MRAS: variants seen among roughly 807,000 people sequenced by gnomAD.
MRAS encodes the protein ras-related protein M-Ras.
A neutral mutation model predicts 20.9 loss-of-function variants in MRAS; 4 were observed. The observed-to-expected ratio is 0.19, with a 90% CI of 0.09 to 0.44. MRAS has a LOEUF of 0.44. Among genes scored for constraint, MRAS ranks in the 20% least tolerant of loss-of-function variants. The probability of loss-of-function intolerance (pLI) is 0.99; values close to 1 mark genes in which losing one functional copy is unlikely to be tolerated. For missense variants in MRAS, 154 were observed against 277.5 expected (o/e 0.56, Z 3.16); for synonymous variants, 98 against 102.9 (o/e 0.95, Z 0.29).
chr3:138,366,705 A>G (rs1025194841), intron 1 of MRAS, among the ~76,000 whole-genome samples: 1 of 152,236 alleles, frequency 6.6e-6, no homozygotes, highest in African/African-American at 2.4e-5. Context: ...GCAGTGTGGC[A>G]TGACAGTTCT....
At chr3:138,400,270 A>G (rs745317625) in intron 4 of MRAS, 71 of 392,348 alleles carry the variant, frequency 1.8e-4, no homozygotes, top group Non-Finnish European at 2.9e-4. Context: ...GTATATAAAA[A>G]GATCACTTTA....
At chr3:138,387,952 C>T (rs1044557657) in intron 2 of MRAS, among the ~76,000 whole-genome samples, 20 of 152,122 alleles carry the variant, frequency 1.3e-4, no homozygotes, top group African/African-American at 4.6e-4. Flanking sequence ...AGCTGATGGC[C>T]GGCACTTCTC....
chr3:138,394,620 C>T (rs2055197438), intron 2 of MRAS, among the ~76,000 whole-genome samples: 1 of 152,188 alleles, frequency 6.6e-6, no homozygotes, highest in Admixed American at 6.5e-5. Context: ...TCCCCCAATA[C>T]CTACTGGAAG....
intron 1 of MRAS, among the ~76,000 whole-genome samples, chr3:138,371,907 C>T (rs995439718): frequency 1.3e-5 from 2 of 152,146 alleles, no homozygotes; most frequent in East Asian, 3.9e-4. Context: ...GCCTCTCCTC[C>T]TTGTCACTTT....
intron 1 of MRAS, among the ~76,000 whole-genome samples, chr3:138,364,746 G>A (rs2054526180): frequency 6.6e-6 from 1 of 152,244 alleles, no homozygotes; most frequent in Non-Finnish European, 1.5e-5. Context: ...CTATGCCCTG[G>A]TCAGCAAGCT....
At chr3:138,394,130 GAAGGTGCAGTCTTCC>G (rs2055186723) in intron 2 of MRAS, among the ~76,000 whole-genome samples, 1 of 150,280 alleles carries the variant, frequency 6.7e-6, no homozygotes, top group Non-Finnish European at 1.5e-5. Flanking sequence ...CCCTCCAGTT[GAAGGTGCAGTCTTCC>G]TGCTCCCTCC....
intron 2 of MRAS, among the ~76,000 whole-genome samples, chr3:138,393,721 C>T (rs1310609871): frequency 6.6e-6 from 1 of 151,806 alleles, no homozygotes. Context: ...CAGAGCTTCG[C>T]TCTTGTTGCC....
Position 138,368,225 on chromosome 3 carries a change from G to A in MRAS, c.-18-4641G>A, listed in dbSNP as rs190739753. 8.8e-3 allele frequency among the ~76,000 whole-genome samples: 1,343 copies of A among 152,344 alleles called. 19 individuals are homozygous for A. Among genetic ancestry groups the A allele is most frequent in the Non-Finnish European group, 1.0e-2 (679 of 68,022 alleles). On this transcript the variant is annotated intron_variant, in intron 1 of 5. Transcript: ENST00000423968. Reference sequence around the variant, plus strand: ...TCTGGCTGTTAACAGAGCAGAGATGGTGGTGAGGCTTCTCATGCTGAGAGG... The same window carrying A: ...TCTGGCTGTTAACAGAGCAGAGATGATGGTGAGGCTTCTCATGCTGAGAGG...
Position 138,379,357 on chromosome 3 carries a change from CTTTTTTTTTTTT to C in MRAS, c.193+6294_193+6305del, listed in dbSNP as rs35120152. Among the ~76,000 whole-genome samples the C allele has an allele frequency of 6.4e-4, 50 of 77,620 alleles. 1 individual carries two copies. The South Asian group carries it at 0.021, about 32-fold the overall frequency. 50.9% of individuals were successfully genotyped at this position (77,620 alleles called of 152,430 possible). On this transcript the variant is annotated intron_variant, in intron 2 of 5. Transcript: ENST00000423968. ...CATGTTGCTGCAAATGACAGAATGTCTTTTTTTTTTTTTTTTTTTTTTTTGAGACGGAGTCTC... is the reference window on the plus strand; with the variant it reads ...CATGTTGCTGCAAATGACAGAATGTCTTTTTTTTTTTTGAGACGGAGTCTC...
At chr3:138,381,004 AC>A (rs1444466371) in intron 2 of MRAS, among the ~76,000 whole-genome samples, 1 of 148,070 alleles carries the variant, frequency 6.8e-6, no homozygotes, top group Non-Finnish European at 1.5e-5. Context: ...CAATCTCTTG[AC>A]CTCGTGATCC....
intron 1 of MRAS, 119 bp downstream of exon 1, chr3:138,348,886 G>T (rs1384064622): frequency 6.6e-6 from 1 of 152,040 alleles, no homozygotes; most frequent in African/African-American, 2.4e-5. Flanking sequence ...CGCGCTCTCC[G>T]CTTGCGGGGT....
chr3:138,387,683 C>G (rs1184415416), intron 2 of MRAS, among the ~76,000 whole-genome samples: 1 of 152,174 alleles, frequency 6.6e-6, no homozygotes, highest in Non-Finnish European at 1.5e-5. Flanking sequence ...TGTGATATTC[C>G]TGGGCTCTAG....
At chr3:138,377,795 TGAG>T (rs1387045654) in intron 2 of MRAS, among the ~76,000 whole-genome samples, 6 of 152,196 alleles carry the variant, frequency 3.9e-5, no homozygotes, top group African/African-American at 1.4e-4. Context: ...AGCACGATGA[TGAG>T]GAGAAGGAAG....
intron 2 of MRAS, among the ~76,000 whole-genome samples, chr3:138,381,101 T>C (rs2054894173): frequency 6.6e-6 from 1 of 152,232 alleles, no homozygotes; most frequent in Non-Finnish European, 1.5e-5. Flanking sequence ...TGAATGATAT[T>C]CCACTGTATG....
At chr3:138,359,963 A>C (rs1000661050) in intron 1 of MRAS, among the ~76,000 whole-genome samples, 9 of 152,240 alleles carry the variant, frequency 5.9e-5, no homozygotes, top group African/African-American at 2.2e-4. Context: ...GAGTTTTTGC[A>C]TAGACTCAGA....
chr3:138,391,794 A>C (rs1222883134), intron 2 of MRAS, among the ~76,000 whole-genome samples: 1 of 152,208 alleles, frequency 6.6e-6, no homozygotes, highest in Admixed American at 6.5e-5. Flanking sequence ...AATTTGTTGA[A>C]ATTTTTATTT....
intron 2 of MRAS, among the ~76,000 whole-genome samples, chr3:138,373,488 A>C (rs1323294449): frequency 6.6e-6 from 1 of 152,220 alleles, no homozygotes; most frequent in African/African-American, 2.4e-5. Flanking sequence ...TTGTGTTTCT[A>C]GCTGAGTGTG....
At chr3:138,365,922 T>C (rs2108510351) in intron 1 of MRAS, among the ~76,000 whole-genome samples, 1 of 152,256 alleles carries the variant, frequency 6.6e-6, no homozygotes, top group East Asian at 1.9e-4. Flanking sequence ...CATACATGGT[T>C]GGGTGGGTGG....
intron 2 of MRAS, among the ~76,000 whole-genome samples, chr3:138,392,617 C>T (rs2055156079): frequency 1.3e-5 from 2 of 152,204 alleles, no homozygotes; most frequent in South Asian, 4.1e-4. Context: ...TGTCTTTGTC[C>T]GTTTCATGAT....
Sources: allele counts gnomAD v4.1 joint callset (sites outside exome capture counted in the v4.1 genomes callset), GRCh38; gene constraint gnomAD v4.1.1; transcripts MANE v1.5; gene names NCBI Gene and HGNC (gene_info 2026-07-23, HGNC 2026-07-21).